Variants in RNF216 observed in about 807,000 individuals in gnomAD.
The protein encoded by RNF216 is E3 ubiquitin-protein ligase RNF216.
Under a neutral mutation model 110.8 loss-of-function variants are expected in RNF216, and 72 were observed. The ratio of observed to expected loss-of-function variants is 0.65; its 90% CI spans 0.54 to 0.79. The LOEUF (loss-of-function observed/expected upper bound fraction) is 0.79, where lower values mean the gene tolerates loss of function less well. Among genes scored for constraint, RNF216 ranks in the 30% least tolerant of loss-of-function variants. The pLI, the probability that RNF216 is intolerant of heterozygous loss-of-function variation, is 0.00. For synonymous variants in RNF216, 495 were observed against 407.5 expected (o/e 1.21, Z -2.59); for missense variants, 1,342 against 1,141.2 (o/e 1.18, Z -2.54).
chr7:5,687,265 G>A (rs555016851), intron 13 of RNF216, among the ~76,000 whole-genome samples: 39 of 151,770 alleles, frequency 2.6e-4, no homozygotes, highest in African/African-American at 7.7e-4. Context: ...GCATGGTGGC[G>A]GGCGCCTGTA....
rs993894311 is a variant in RNF216 at position 5,707,786 on chromosome 7, C to A, written c.2061+3975G>T. Among the ~76,000 whole-genome samples, 10 of 136,018 alleles carry A rather than the reference C, an allele frequency of 7.4e-5. 1 individual carries two copies. In the South Asian group the frequency reaches 2.1e-3, roughly 29 times the overall value. The allele number at this position is 136,018 out of a possible 152,430, so 89.2% of individuals were successfully genotyped here. A position where few individuals can be genotyped will look rare whatever the true frequency, so the allele number is the denominator to read the frequency against. On this transcript the variant is annotated intron_variant, in intron 13 of 16. Coordinates refer to ENST00000389902, the MANE Select transcript of RNF216 (RefSeq NM_207111.4). ...TCGCCCAGGCTGGAGTACAGCGGCA[C>A]AATCTCTGCTCACCGCAACCTCCAC...
chr7:5,747,787 A>G (rs369207621), intron 3 of RNF216, among the ~76,000 whole-genome samples: 2 of 151,148 alleles, frequency 1.3e-5, no homozygotes, highest in East Asian at 3.9e-4. Context: ...GGGAAAAAAA[A>G]AGAAAAAATA....
intron 12 of RNF216, 153 bp from the exon 13 acceptor site, chr7:5,711,992 A>C (rs564378675): frequency 2.5e-5 from 16 of 636,740 alleles, no homozygotes; most frequent in Non-Finnish European, 3.0e-5. Flanking sequence ...CACAGATTGA[A>C]CCTCTTCTTT....
chr7:5,763,522 T>A (rs1278699401), intron 1 of RNF216, among the ~76,000 whole-genome samples: 1 of 151,998 alleles, frequency 6.6e-6, no homozygotes, highest in Non-Finnish European at 1.5e-5. Context: ...CCCAGGTACT[T>A]GGAAGGCTGA....
intron 15 of RNF216, among the ~76,000 whole-genome samples, chr7:5,639,480 T>C (rs886310349): frequency 6.6e-6 from 1 of 152,154 alleles, no homozygotes; most frequent in Non-Finnish European, 1.5e-5. Context: ...ATTTTTTTTT[T>C]TGAGACAGAG....
rs1792710667 is a variant in RNF216 at position 5,711,794 on chromosome 7, C to T, written c.2028G>A (p.Lys676=). The T allele has an allele frequency of 6.2e-7, 1 of 1,613,938 alleles. No homozygotes were observed. Among genetic ancestry groups the T allele is most frequent in the African/African-American group, 1.3e-5 (1 of 75,030 alleles). ...SFPALLDSDV[K]RFSCPNPHCR... ...AGTGAGGATTAGGACAGCTGAACCT[C>T]TTCACATCACTGTCCAACAGAGCCG... The change falls in exon 13 of 17, where the codon AAG becomes AAA. Residue 676 remains lysine (K), a synonymous_variant. Transcript: ENST00000389902.
intron 1 of RNF216, among the ~76,000 whole-genome samples, chr7:5,768,592 A>T (rs1796330108): frequency 6.6e-6 from 1 of 152,082 alleles, no homozygotes; most frequent in African/African-American, 2.4e-5. Context: ...TTGAAATCAC[A>T]CAGCATGTTC....
At chr7:5,752,803 C>T in intron 3 of RNF216, 43 bp downstream of exon 3, 1 of 1,596,776 alleles carries the variant, frequency 6.3e-7, no homozygotes, top group African/African-American at 1.3e-5. Context: ...ATCAGATCAC[C>T]AACTTGCAAT....
At chr7:5,752,383 G>C (rs774463453) in intron 3 of RNF216, among the ~76,000 whole-genome samples, 1 of 152,058 alleles carries the variant, frequency 6.6e-6, no homozygotes, top group Non-Finnish European at 1.5e-5. Flanking sequence ...AGAAAGAGTA[G>C]TATCATAAAA....
intron 13 of RNF216, among the ~76,000 whole-genome samples, chr7:5,686,181 C>A: frequency 6.8e-6 from 1 of 147,982 alleles, no homozygotes; most frequent in South Asian, 2.1e-4. Context: ...CGAGATCATG[C>A]TGCTGCACTC....
chr7:5,720,702 A>C (rs1301108204), intron 9 of RNF216, among the ~76,000 whole-genome samples: 1 of 152,196 alleles, frequency 6.6e-6, no homozygotes, highest in Non-Finnish European at 1.5e-5. Context: ...GATACTTATT[A>C]AACAACCAAT....
At chr7:5,660,921 C>CTCCA (rs1448699323) in intron 13 of RNF216, among the ~76,000 whole-genome samples, 1 of 146,792 alleles carries the variant, frequency 6.8e-6, no homozygotes, top group Admixed American at 6.8e-5. Flanking sequence ...ACAGTACTAG[C>CTCCA]TCCATGCTCC....
chr7:5,655,837 G>T (rs778114618), intron 13 of RNF216, among the ~76,000 whole-genome samples: 13 of 151,704 alleles, frequency 8.6e-5, no homozygotes, highest in Non-Finnish European at 1.8e-4. Flanking sequence ...AAATGCTTAC[G>T]CATATTACGA....
At chr7:5,683,804 C>T (rs1562387846) in intron 13 of RNF216, among the ~76,000 whole-genome samples, 1 of 152,100 alleles carries the variant, frequency 6.6e-6, no homozygotes, top group Non-Finnish European at 1.5e-5. Context: ...ATGGATAAAA[C>T]CTGTTAAAAG....
At chr7:5,759,861 G>C (rs929341139) in intron 2 of RNF216, among the ~76,000 whole-genome samples, 2 of 151,940 alleles carry the variant, frequency 1.3e-5, no homozygotes, top group African/African-American at 4.8e-5. Flanking sequence ...TCGAACTCCT[G>C]ACCTCGTGAT....
chr7:5,731,994 C>T lies in RNF216; in HGVS notation c.1122-1177G>A, dbSNP rs568119583. On this transcript the variant is annotated intron_variant, in intron 5 of 16. Coordinates refer to ENST00000389902, the MANE Select transcript of RNF216 (RefSeq NM_207111.4). ...GACATCTCAATGCATTTCCCTTTGCCGTTACTTCAGGAGTCCCATATACTC... is the reference window on the plus strand; with the variant it reads ...GACATCTCAATGCATTTCCCTTTGCTGTTACTTCAGGAGTCCCATATACTC... 3.4e-4 allele frequency among the ~76,000 whole-genome samples: 52 copies of T among 152,246 alleles called. No individual in the cohort carries two copies. The South Asian group carries it at 7.5e-3, about 22-fold the overall frequency.
chr7:5,723,095 G>A (rs991758513), intron 8 of RNF216, among the ~76,000 whole-genome samples: 1 of 152,094 alleles, frequency 6.6e-6, no homozygotes, highest in Non-Finnish European at 1.5e-5. Context: ...TAACCTCTCT[G>A]TGCTTCACTT....
chr7:5,642,770 C>A (rs1056701216), intron 14 of RNF216, among the ~76,000 whole-genome samples: 1 of 152,138 alleles, frequency 6.6e-6, no homozygotes, highest in East Asian at 1.9e-4. Context: ...TGAGCCACTG[C>A]GCCCAGCTAG....
At chr7:5,703,185 T>G (rs1244270349) in intron 13 of RNF216, among the ~76,000 whole-genome samples, 1 of 152,230 alleles carries the variant, frequency 6.6e-6, no homozygotes, top group African/African-American at 2.4e-5. Context: ...GAGTCCTCAT[T>G]TGTGGGCTTA....
Sources: allele counts gnomAD v4.1 joint callset (sites outside exome capture counted in the v4.1 genomes callset), GRCh38; gene constraint gnomAD v4.1.1; transcripts MANE v1.5; gene names NCBI Gene and HGNC (gene_info 2026-07-23, HGNC 2026-07-21).